The following CCDC18 variants were observed in gnomAD, a reference collection of about 807,000 sequenced individuals.
The protein encoded by CCDC18 is coiled-coil domain containing 18, also known as coiled-coil domain-containing protein 18.
Under a neutral mutation model 196.0 loss-of-function variants are expected in CCDC18, and 157 were observed. The ratio of observed to expected loss-of-function variants is 0.80; its 90% CI spans 0.70 to 0.91. The LOEUF (loss-of-function observed/expected upper bound fraction) is 0.91, where lower values mean the gene tolerates loss of function less well. Ranked by LOEUF, CCDC18 falls within the 40% of genes least tolerant of loss-of-function variation. The pLI, the probability that CCDC18 is intolerant of heterozygous loss-of-function variation, is 0.00. For synonymous variants in CCDC18, 482 were observed against 529.2 expected, an observed-to-expected ratio of 0.91 and a Z score of 1.22; for missense variants, 1,465 against 1,611.6, an observed-to-expected ratio of 0.91 and a Z score of 1.56.
At chr1:93,186,263 A>G (rs1557596096) in intron 3 of CCDC18, 82 bp from the exon 4 acceptor site, 1 of 1,284,860 alleles carries the variant, frequency 7.8e-7, no homozygotes, top group East Asian at 2.5e-5. Flanking sequence ...TTTGTTAATA[A>G]TTGCTCATAA....
chr1:93,185,594 G>C (rs1650522698), intron 3 of CCDC18, among the ~76,000 whole-genome samples: 2 of 152,034 alleles, frequency 1.3e-5, no homozygotes, highest in Admixed American at 6.5e-5. Context: ...AATGCAAGGT[G>C]CAGAATGTTA....
chr1:93,270,828 A>C lies in CCDC18; in HGVS notation c.4353+14A>C, dbSNP rs916984644. 1.9e-5 allele frequency: 27 copies of C among 1,454,390 alleles called. No homozygotes were observed. The African/African-American group carries it at 3.4e-4, about 19-fold the overall frequency. 90.1% of individuals were successfully genotyped at this position (1,454,390 alleles called of 1,614,324 possible). On this transcript the variant is annotated intron_variant, in intron 28 of 28. Coordinates refer to ENST00000690025, the MANE Select transcript of CCDC18 (RefSeq NM_001378204.1). ...GGTTTAAATCAGGTATGTATTTTAT[A>C]CACTGTAAACTGTAATAATTTGTTT...
At chr1:93,216,515 T>G in intron 12 of CCDC18, 121 bp from the exon 13 acceptor site, 1 of 501,742 alleles carries the variant, frequency 2.0e-6, no homozygotes, top group South Asian at 3.3e-5. Context: ...AACTGTAAGT[T>G]TGCCCAATTT....
chr1:93,225,610 C>T (rs1387634571), intron 16 of CCDC18, among the ~76,000 whole-genome samples: 1 of 152,176 alleles, frequency 6.6e-6, no homozygotes, highest in South Asian at 2.1e-4. Flanking sequence ...AACCCACTCT[C>T]TACTAAAAAT....
At chr1:93,277,984 T>G (rs1180565931) in intron 28 of CCDC18, among the ~76,000 whole-genome samples, 2 of 152,026 alleles carry the variant, frequency 1.3e-5, no homozygotes, top group African/African-American at 4.8e-5. Context: ...TTTATTTTAT[T>G]TATTTTATTT....
chr1:93,207,734 C>T (rs1654938766), intron 9 of CCDC18, among the ~76,000 whole-genome samples: 1 of 152,174 alleles, frequency 6.6e-6, no homozygotes, highest in African/African-American at 2.4e-5. Flanking sequence ...TCACCATGAT[C>T]CAGCTTTGAA....
In CCDC18 at chr1:93,180,842, G is replaced by C. The variant is rs1240377996; in HGVS notation, c.-13G>C. 1.5e-6 allele frequency: 2 copies of C among 1,367,534 alleles called. No individual in the cohort carries two copies. The highest frequency in any genetic ancestry group is 2.0e-6 in the Non-Finnish European group (2 of 1,021,994). The allele number at this position is 1,367,534 out of a possible 1,614,324, so 84.7% of individuals were successfully genotyped here. On this transcript the variant is annotated 5_prime_UTR_variant, in exon 1 of 29. Coordinates refer to ENST00000690025, the MANE Select transcript of CCDC18 (RefSeq NM_001378204.1). The stretch of plus-strand genomic sequence containing the variant: ...TAACGCAGACTCGAGTGCGAAGCGC[G>C]CAGTCGCCGGGTGGGTCTCTCCCCA...
intron 28 of CCDC18, among the ~76,000 whole-genome samples, chr1:93,272,465 G>A (rs1665354285): frequency 6.6e-6 from 1 of 152,116 alleles, no homozygotes; most frequent in South Asian, 2.1e-4. Context: ...ATTCAGTAAA[G>A]GTAACTGAGA....
At chr1:93,220,032 A>T (rs2102183171) in intron 14 of CCDC18, among the ~76,000 whole-genome samples, 1 of 152,336 alleles carries the variant, frequency 6.6e-6, no homozygotes, top group East Asian at 1.9e-4. Context: ...AACTTCACAA[A>T]TTTGATGAAG....
At chr1:93,204,860 T>A (rs1008886137) in intron 7 of CCDC18, among the ~76,000 whole-genome samples, 1 of 152,094 alleles carries the variant, frequency 6.6e-6, no homozygotes, top group Non-Finnish European at 1.5e-5. Flanking sequence ...CTTGTGGGAA[T>A]GAAATATCTT....
chr1:93,274,392 A>G (rs1433604568), intron 28 of CCDC18, among the ~76,000 whole-genome samples: 1 of 152,090 alleles, frequency 6.6e-6, no homozygotes, highest in African/African-American at 2.4e-5. Context: ...ACAGAGCGAG[A>G]CTCCATCTCT....
In CCDC18 at chr1:93,189,838, T is replaced by C. The variant is rs186380724; in HGVS notation, c.463-2162T>C. The stretch of plus-strand genomic sequence containing the variant: ...CCACCATGCCTGGCTAGTTTTTGTA[T>C]TGTCTTTTTGTAGAGATGGAGTTTT... On this transcript the variant is annotated intron_variant, in intron 4 of 28. Transcript: ENST00000690025. 4.7e-4 allele frequency among the ~76,000 whole-genome samples: 71 copies of C among 152,126 alleles called. 1 individual carries two copies. Among genetic ancestry groups the C allele is most frequent in the Non-Finnish European group, 5.1e-4 (35 of 67,962 alleles).
intron 1 of CCDC18, among the ~76,000 whole-genome samples, chr1:93,181,491 G>C (rs1037616411): frequency 1.3e-5 from 2 of 152,162 alleles, no homozygotes; most frequent in East Asian, 3.8e-4. Context: ...AGTGAAGATA[G>C]CCTTTTTTGG....
At chr1:93,233,405 G>GT (rs528706074) in intron 18 of CCDC18, among the ~76,000 whole-genome samples, 4 of 151,786 alleles carry the variant, frequency 2.6e-5, no homozygotes, top group Non-Finnish European at 4.4e-5. Context: ...TTCTTATTTT[G>GT]TTTTTTCTTT....
chr1:93,222,690 T>C (rs1247235208), intron 16 of CCDC18, among the ~76,000 whole-genome samples: 2 of 152,104 alleles, frequency 1.3e-5, no homozygotes, highest in East Asian at 3.8e-4. Context: ...ATCCACAAAA[T>C]AGGAATGACA....
intron 11 of CCDC18, among the ~76,000 whole-genome samples, chr1:93,214,245 A>G (rs1014111347): frequency 3.3e-5 from 5 of 152,134 alleles, no homozygotes; most frequent in Non-Finnish European, 7.4e-5. Flanking sequence ...TTTTTAAAGC[A>G]TCACTGAATT....
At position 93,201,940 on chromosome 1, in the gene CCDC18, T is replaced by C. The variant is rs1427634457; in HGVS notation, c.747T>C (p.Ser249=). ...NEALYNAEEL[S]KAFQQYKKKV... The stretch of plus-strand genomic sequence containing the variant: ...CACTATATAATGCCGAAGAGCTGAG[T>C]AAAGCTTTCCAACAATATAAAAAAA... Residue 249 remains serine (S), a synonymous_variant, in exon 7 of 29, where the codon AGT becomes AGC. Transcript: ENST00000690025. 6.2e-7 allele frequency: 1 copy of C among 1,609,826 alleles called. No individual in the cohort carries two copies.
chr1:93,228,791 G>A (rs1469389222), intron 17 of CCDC18, among the ~76,000 whole-genome samples: 1 of 152,018 alleles, frequency 6.6e-6, no homozygotes. Context: ...ACTTGGCAGA[G>A]ATGGAATCTA....
chr1:93,270,243 T>G, intron 27 of CCDC18, 104 bp from the exon 28 acceptor site: 1 of 681,240 alleles, frequency 1.5e-6, no homozygotes, highest in Admixed American at 2.9e-5. Context: ...AGAATTCCTA[T>G]AGTGGGACAA....
Sources: gnomAD v4.1 joint callset for allele counts (sites outside exome capture counted in the v4.1 genomes callset) on GRCh38, gnomAD v4.1.1 for gene constraint, MANE v1.5 for transcripts, NCBI Gene and HGNC (gene_info 2026-07-23, HGNC 2026-07-21) for gene names.